ADAM11: variants seen among roughly 807,000 people sequenced by gnomAD.
ADAM11 encodes the protein disintegrin and metalloproteinase domain-containing protein 11.
ADAM11 carries 49 observed loss-of-function variants against 119.1 expected under a neutral mutation model. The ratio of observed to expected loss-of-function variants is 0.41; its 90% confidence interval spans 0.33 to 0.52. The LOEUF (loss-of-function observed/expected upper bound fraction) is 0.52. ADAM11 is among the 20% of genes least tolerant of loss of function. The pLI is 0.20. For missense variants in ADAM11, 777 were observed against 1,047.5 expected (o/e 0.74, Z 3.56); for synonymous variants, 364 against 408.0 (o/e 0.89, Z 1.30).
chr17:44,772,677 C>T lies in ADAM11; in HGVS notation c.679-180C>T, dbSNP rs560831942. ...TACAGAGGCCCCATCCTGGGCAAAC[C>T]GAGGCTGCCTGCCCTCATTCCAAAG... On this transcript the variant is annotated intron_variant, in intron 8 of 26. Coordinates refer to ENST00000200557, the MANE Select transcript of ADAM11 (RefSeq NM_002390.6). This position sits in a 1 kb window ranked among gnomAD's most constrained non-coding sequence, Gnocchi z 4.5. Among the ~76,000 whole-genome samples the T allele has an allele frequency of 2.1e-4, 32 of 152,272 alleles. 2 individuals carry two copies. The South Asian group carries it at 5.6e-3, about 27-fold the overall frequency.
rs12450742 is a variant in ADAM11, at chr17:44,773,573, T to G, written c.992+146T>G. On this transcript the variant is annotated intron_variant, in intron 11 of 26. Transcript: ENST00000200557. This position sits in a 1 kb window ranked among gnomAD's most constrained non-coding sequence, Gnocchi z 4.6. ...CACCTGCCACCTACCCCCAGCCACA[T>G]GCAACAGCTGGGCATCATCCCCTGA... 8,769 of 982,518 alleles carry G rather than the reference T, an allele frequency of 8.9e-3. 538 individuals carry two copies. In the African/African-American group the frequency reaches 0.13, roughly 14 times the overall value. 60.9% of individuals were successfully genotyped at this position (982,518 alleles called of 1,614,324 possible).
At chr17:44,765,598 CT>C (rs2049438423) in intron 2 of ADAM11, among the ~76,000 whole-genome samples, 1 of 117,678 alleles carries the variant, frequency 8.5e-6, no homozygotes, top group East Asian at 2.5e-4. Flanking sequence ...CCTGGTTTTT[CT>C]TTTCTTTTCT....
At chr17:44,763,860 G>T (rs960824999) in intron 2 of ADAM11, among the ~76,000 whole-genome samples, 19 of 152,130 alleles carry the variant, frequency 1.2e-4, no homozygotes, top group Non-Finnish European at 1.8e-4. Context: ...GGGATTACAG[G>T]CGTGCACCAC....
rs1337494766 is a variant in ADAM11, at chr17:44,775,319, C to A, written c.1320+8C>A. 8 of 1,613,608 alleles carry A rather than the reference C, an allele frequency of 5.0e-6. No individual in the cohort carries two copies. In the Admixed American group the frequency reaches 1.2e-4, roughly 24 times the overall value. On this transcript the variant is annotated splice_region_variant and intron_variant, in intron 15 of 26. Transcript: ENST00000200557. This position sits in a 1 kb window ranked among gnomAD's most constrained non-coding sequence, Gnocchi z 7.5. ...TTCAACAAGCCCCTCAAGGTACCAG[C>A]CCCGCGGCGGGGAGCATGGGAGCGG...
chr17:44,771,634 C>T lies in ADAM11; in HGVS notation c.432C>T (p.His144=), dbSNP rs771905587. 1.9e-6 allele frequency: 3 copies of T among 1,611,656 alleles called. No individual in the cohort carries two copies. The highest frequency in any genetic ancestry group is 2.2e-5 in the South Asian group (2 of 90,944). The part of the protein sequence containing the change: ...YYQGKLRGNP[H]SFAALSTCQG... ...AGGGGAAGCTCCGGGGGAACCCGCA[C>T]TCCTTCGCCGCCCTCTCCACCTGCC... Residue 144 remains histidine (H), a synonymous_variant, in exon 5 of 27, where the codon CAC becomes CAT. Transcript: ENST00000200557.
At chr17:44,778,652 T>C (rs1003852315) in intron 25 of ADAM11, among the ~76,000 whole-genome samples, 3 of 122,800 alleles carry the variant, frequency 2.4e-5, no homozygotes, top group Non-Finnish European at 4.7e-5. Flanking sequence ...GATCGCACCA[T>C]TGCACTCCAG....
chr17:44,771,871 C>T (rs2049528977), intron 6 of ADAM11, 40 bp downstream of exon 6: 2 of 1,576,094 alleles, frequency 1.3e-6, no homozygotes, highest in East Asian at 4.5e-5. Flanking sequence ...CTCTGGTGGC[C>T]CTGCCAAGCT....
At position 44,779,977 on chromosome 17, in the gene ADAM11, C is replaced by T. The variant is rs187382199; in HGVS notation, c.*223C>T. 1.3e-3 allele frequency: 913 copies of T among 720,892 alleles called. 6 individuals are homozygous for T. The highest frequency in any genetic ancestry group is 5.9e-4 in the Non-Finnish European group (238 of 402,272). 44.7% of individuals were successfully genotyped at this position (720,892 alleles called of 1,614,324 possible). On this transcript the variant is annotated 3_prime_UTR_variant, in exon 27 of 27. Coordinates refer to ENST00000200557, the MANE Select transcript of ADAM11 (RefSeq NM_002390.6). ...CACTTCCTCCACAGTCCCCCACCCACCTCCTGCGGCTCAGCCTTGCACACC... is the reference window on the plus strand; with the variant it reads ...CACTTCCTCCACAGTCCCCCACCCATCTCCTGCGGCTCAGCCTTGCACACC...
At chr17:44,770,488 TCCCC>T (rs754119100) in intron 4 of ADAM11, among the ~76,000 whole-genome samples, 2 of 60,248 alleles carry the variant, frequency 3.3e-5, no homozygotes, top group African/African-American at 5.3e-5. Context: ...ATAGCCTGTC[TCCCC>T]CCCCCCCGCC....
chr17:44,775,636 A>C lies in ADAM11; in HGVS notation c.1445A>C (p.Asp482Ala), dbSNP rs1274099860. Residue 482 changes from aspartate (D) to alanine (A), a missense_variant, in exon 17 of 27, where the codon GAC becomes GCC. Asp to Ala is a moderately radical substitution (Grantham distance 126). Around this residue, in one of 4 missense-constraint regions of ADAM11, gnomAD observed 348 missense variants for 486.7 expected, o/e 0.72. Coordinates refer to ENST00000200557, the MANE Select transcript of ADAM11 (RefSeq NM_002390.6). The surrounding 1 kb of genome is among the most constrained non-coding windows in gnomAD (Gnocchi z 7.5). ...NCCKKCTLTH[D>A]AMCSDGLCCR... The stretch of plus-strand genomic sequence containing the variant: ...TGCAAGAAATGCACCCTGACTCACG[A>C]CGCCATGTGCAGCGACGGGCTCTGC... The C allele has an allele frequency of 2.5e-6, 4 of 1,593,066 alleles. No individual in the cohort carries two copies. In the South Asian group the frequency reaches 3.4e-5, roughly 13 times the overall value.
chr17:44,765,026 C>G (rs756162895), intron 2 of ADAM11, among the ~76,000 whole-genome samples: 3 of 152,090 alleles, frequency 2.0e-5, no homozygotes, highest in Non-Finnish European at 4.4e-5. Flanking sequence ...CTAGAGGAAC[C>G]CAGCTGTCCA....
intron 2 of ADAM11, among the ~76,000 whole-genome samples, chr17:44,761,518 G>A (rs1266563965): frequency 6.6e-6 from 1 of 152,042 alleles, no homozygotes; most frequent in Non-Finnish European, 1.5e-5. Flanking sequence ...TGCATGTGAG[G>A]TGTGTATGTG....
intron 2 of ADAM11, among the ~76,000 whole-genome samples, chr17:44,761,870 T>C (rs1177554033): frequency 6.6e-6 from 1 of 152,198 alleles, no homozygotes; most frequent in Non-Finnish European, 1.5e-5. Flanking sequence ...TTGCCCAGGC[T>C]GGAGTGCAAT....
chr17:44,776,602 C>T lies in ADAM11; in HGVS notation c.1567-143C>T, dbSNP rs1471914431. The stretch of plus-strand genomic sequence containing the variant: ...CGTGTGGTCTGGGTCCAGAACCAGA[C>T]AGATCGCTTGTCCTAGGCGTGGAAG... On this transcript the variant is annotated intron_variant, in intron 18 of 26. Coordinates refer to ENST00000200557, the MANE Select transcript of ADAM11 (RefSeq NM_002390.6). The surrounding 1 kb of genome is among the most constrained non-coding windows in gnomAD (Gnocchi z 5.2). 6.5e-6 allele frequency: 7 copies of T among 1,073,386 alleles called. No homozygotes were observed. The highest frequency in any genetic ancestry group is 3.2e-5 in the South Asian group (2 of 63,420). The allele number at this position is 1,073,386 out of a possible 1,614,324, so 66.5% of individuals were successfully genotyped here.
Position 44,781,750 on chromosome 17 carries a change from A to T in ADAM11, c.*1996A>T, listed in dbSNP as rs1414645594. ...GCCTCTGCCTGGGCCTCCACACAGCATCCTGTACATACGCCACCTGGGCTG... is the reference window on the plus strand; with the variant it reads ...GCCTCTGCCTGGGCCTCCACACAGCTTCCTGTACATACGCCACCTGGGCTG... On this transcript the variant is annotated 3_prime_UTR_variant, in exon 27 of 27. Transcript: ENST00000200557. 1 of 152,512 alleles carries T rather than the reference A, an allele frequency of 6.6e-6. No individual in the cohort carries two copies. The highest frequency in any genetic ancestry group is 1.9e-4 in the East Asian group (1 of 5,192). 9.4% of individuals were successfully genotyped at this position (152,512 alleles called of 1,614,324 possible).
At chr17:44,770,494 C>A (rs1229663241) in intron 4 of ADAM11, among the ~76,000 whole-genome samples, 5 of 53,314 alleles carry the variant, frequency 9.4e-5, no homozygotes, top group East Asian at 1.4e-3. Context: ...TGTCTCCCCC[C>A]CCCCCGCCCC....
rs763545364 is a variant in ADAM11 at position 44,776,080 on chromosome 17, C to T, written c.1486-47C>T. On this transcript the variant is annotated intron_variant, in intron 17 of 26. Coordinates refer to ENST00000200557, the MANE Select transcript of ADAM11 (RefSeq NM_002390.6). This position sits in a 1 kb window ranked among gnomAD's most constrained non-coding sequence, Gnocchi z 5.2. Reference sequence around the variant, plus strand: ...AGCGAGGGGCCTGGGGAGGGCAGGGCCGAGGCATCCATCCTGCCTGACTCG... The same window carrying T: ...AGCGAGGGGCCTGGGGAGGGCAGGGTCGAGGCATCCATCCTGCCTGACTCG... 5 of 1,598,474 alleles carry T rather than the reference C, an allele frequency of 3.1e-6. No homozygotes were observed. The Admixed American group carries it at 8.4e-5, about 27-fold the overall frequency.
At position 44,779,872 on chromosome 17, in the gene ADAM11, C is replaced by T. The variant is rs1598897177; in HGVS notation, c.*118C>T. The T allele has an allele frequency of 7.1e-7, 1 of 1,405,936 alleles. No individual in the cohort carries two copies. Among genetic ancestry groups the T allele is most frequent in the Non-Finnish European group, 9.9e-7 (1 of 1,007,858 alleles). 87.1% of individuals were successfully genotyped at this position (1,405,936 alleles called of 1,614,324 possible). Reference sequence around the variant, plus strand: ...AAATGTCTTCCAGGTCCAAACCCTTCAACTCCTGGCTCCGCAGGGGTTTGG... The same window carrying T: ...AAATGTCTTCCAGGTCCAAACCCTTTAACTCCTGGCTCCGCAGGGGTTTGG... On this transcript the variant is annotated 3_prime_UTR_variant, in exon 27 of 27. Coordinates refer to ENST00000200557, the MANE Select transcript of ADAM11 (RefSeq NM_002390.6).
In ADAM11 at chr17:44,774,343, C is replaced by A. The variant is rs991882439; in HGVS notation, c.1041C>A (p.Gly347=). ...STSSGAAYVG[G]ICSLSHGGGV... is the part of the protein sequence containing the mutation. The stretch of plus-strand genomic sequence containing the variant: ...GCAGCGGGGCAGCCTACGTGGGGGG[C>A]ATATGCTCCCTGTCCCACGGCGGGG... The change falls in exon 12 of 27, where the codon GGC becomes GGA. Residue 347 remains glycine, a synonymous_variant. Coordinates refer to ENST00000200557, the MANE Select transcript of ADAM11 (RefSeq NM_002390.6). The A allele has an allele frequency of 1.7e-5, 25 of 1,485,280 alleles. No individual in the cohort carries two copies. The highest frequency in any genetic ancestry group is 2.2e-5 in the Non-Finnish European group (24 of 1,112,700). 92.0% of individuals were successfully genotyped at this position (1,485,280 alleles called of 1,614,324 possible). A position where few individuals can be genotyped will look rare whatever the true frequency, so the allele number is the denominator to read the frequency against.
Sources: allele counts gnomAD v4.1 joint callset (sites outside exome capture counted in the v4.1 genomes callset), GRCh38; gene constraint gnomAD v4.1.1; regional missense constraint gnomAD v4.1.1; non-coding constraint Gnocchi (gnomAD v3.1); transcripts MANE v1.5; gene names NCBI Gene and HGNC (gene_info 2026-07-23, HGNC 2026-07-21).